The following LRRC4C variants were observed in gnomAD, a reference collection of about 807,000 sequenced individuals.
The protein encoded by LRRC4C is leucine-rich repeat-containing protein 4C.
Under a neutral mutation model 33.6 loss-of-function variants are expected in LRRC4C, and 5 were observed. That is an observed-to-expected ratio of 0.15 (90% CI 0.08 to 0.31). LRRC4C has a LOEUF of 0.31. Ranked by LOEUF, LRRC4C falls within the 10% of genes least tolerant of loss-of-function variation. The pLI is 1.00. For synonymous variants in LRRC4C, 329 were observed against 302.0 expected, an observed-to-expected ratio of 1.09 and a Z score of -0.93; for missense variants, 560 against 796.7, an observed-to-expected ratio of 0.70 and a Z score of 3.58.
intron 2 of LRRC4C, among the ~76,000 whole-genome samples, chr11:40,927,030 G>A (rs1195588556): frequency 6.6e-6 from 1 of 152,148 alleles, no homozygotes; most frequent in Admixed American, 6.5e-5. Flanking sequence ...AGCAAATTTG[G>A]ATAAAGGTAA....
At chr11:40,966,494 T>G (rs1225592475) in intron 1 of LRRC4C, among the ~76,000 whole-genome samples, 1 of 151,924 alleles carries the variant, frequency 6.6e-6, no homozygotes, top group Non-Finnish European at 1.5e-5. Flanking sequence ...AGCACTAAGC[T>G]CCTCACAAAT....
chr11:40,457,148 C>T (rs1372331850), intron 3 of LRRC4C, among the ~76,000 whole-genome samples: 1 of 147,384 alleles, frequency 6.8e-6, no homozygotes, highest in Admixed American at 6.7e-5. Context: ...GGATATACCT[C>T]AGCAATTTTT....
At chr11:40,289,959 G>A (rs12279130) in intron 4 of LRRC4C, among the ~76,000 whole-genome samples, 13,459 of 152,136 alleles carry the variant, frequency 0.088, 684 homozygotes, top group African/African-American at 0.14. Context: ...AGGGCACAGG[G>A]AGGAGGTGAC....
At chr11:40,481,820 G>T (rs909443635) in intron 3 of LRRC4C, among the ~76,000 whole-genome samples, 2 of 152,052 alleles carry the variant, frequency 1.3e-5, no homozygotes, top group African/African-American at 4.8e-5. Flanking sequence ...TGAGATATCA[G>T]ATAAGCCATA....
intron 3 of LRRC4C, among the ~76,000 whole-genome samples, chr11:40,352,102 CCTTT>C (rs1161134404): frequency 4.3e-4 from 55 of 126,600 alleles, no homozygotes; most frequent in Admixed American, 5.4e-4. Flanking sequence ...TTCCTTTTTT[CCTTT>C]CTTTCTTCCT....
At chr11:40,717,980 G>A (rs369689385) in intron 2 of LRRC4C, among the ~76,000 whole-genome samples, 81 of 152,256 alleles carry the variant, frequency 5.3e-4, no homozygotes, top group African/African-American at 1.8e-3. Flanking sequence ...CTAGAGACAC[G>A]TGTGCATGTG....
At chr11:40,682,569 A>G (rs1441384356) in intron 2 of LRRC4C, among the ~76,000 whole-genome samples, 1 of 152,026 alleles carries the variant, frequency 6.6e-6, no homozygotes, top group Non-Finnish European at 1.5e-5. Flanking sequence ...TGAGATCAGG[A>G]GTTCGAGACC....
chr11:40,270,923 A>G (rs1942647972), intron 4 of LRRC4C, among the ~76,000 whole-genome samples: 1 of 152,174 alleles, frequency 6.6e-6, no homozygotes, highest in Admixed American at 6.6e-5. Context: ...GCTCAATTTA[A>G]TGCTTTTTCT....
chr11:41,327,159 A>G (rs1436050727), intron 1 of LRRC4C, among the ~76,000 whole-genome samples: 1 of 152,200 alleles, frequency 6.6e-6, no homozygotes, highest in Non-Finnish European at 1.5e-5. Context: ...TATTCTAGGG[A>G]GAAGGCAGCC....
intron 2 of LRRC4C, among the ~76,000 whole-genome samples, chr11:40,863,163 A>G (rs1323179756): frequency 6.6e-6 from 1 of 152,326 alleles, no homozygotes; most frequent in Non-Finnish European, 1.5e-5. Context: ...CTGTTTTCAC[A>G]TGAGTAACCT....
chr11:41,241,367 A>G (rs1201298032), intron 1 of LRRC4C, among the ~76,000 whole-genome samples: 1 of 152,130 alleles, frequency 6.6e-6, no homozygotes, highest in Non-Finnish European at 1.5e-5. Context: ...GTTCTTCTTA[A>G]TCATGACCAT....
chr11:40,346,974 A>G (rs1947164852), intron 3 of LRRC4C, among the ~76,000 whole-genome samples: 1 of 152,192 alleles, frequency 6.6e-6, no homozygotes, highest in Admixed American at 6.5e-5. Context: ...AGAATGGTAA[A>G]TGAGTATTGA....
At chr11:41,447,859 T>A (rs1246407767) in intron 1 of LRRC4C, among the ~76,000 whole-genome samples, 2 of 152,184 alleles carry the variant, frequency 1.3e-5, no homozygotes, top group African/African-American at 4.8e-5. Flanking sequence ...TACAAATACT[T>A]GTGTGTTTGA....
At chr11:40,883,199 A>G (rs1775198156) in intron 2 of LRRC4C, among the ~76,000 whole-genome samples, 1 of 151,986 alleles carries the variant, frequency 6.6e-6, no homozygotes, top group Non-Finnish European at 1.5e-5. Flanking sequence ...CTTCCAATCC[A>G]GCTACTTAAA....
intron 1 of LRRC4C, among the ~76,000 whole-genome samples, chr11:41,090,158 TA>T (rs1469599900): frequency 1.3e-5 from 2 of 152,222 alleles, no homozygotes; most frequent in African/African-American, 4.8e-5. Flanking sequence ...AATATATCAT[TA>T]AGTGAAAAGT....
intron 1 of LRRC4C, among the ~76,000 whole-genome samples, chr11:41,082,456 T>C (rs1270329495): frequency 7.3e-6 from 1 of 137,170 alleles, no homozygotes; most frequent in African/African-American, 2.7e-5. Flanking sequence ...TTTCTGGAGC[T>C]GGTGAAATCT....
At chr11:40,285,680 T>C (rs1242278260) in intron 4 of LRRC4C, among the ~76,000 whole-genome samples, 1 of 152,140 alleles carries the variant, frequency 6.6e-6, no homozygotes, top group Non-Finnish European at 1.5e-5. Context: ...ACGGAAGGTA[T>C]ATGTGACCTA....
rs189366691 is a variant in LRRC4C at position 41,077,961 on chromosome 11, C to A, written c.-495-144238G>T. Among the ~76,000 whole-genome samples the A allele has an allele frequency of 4.6e-5, 7 of 152,246 alleles. No homozygotes were observed. In the East Asian group the frequency reaches 1.4e-3, roughly 29 times the overall value. Reference sequence around the variant, plus strand: ...GCTTAGAAATTTCTTCAACCAGGTACCCTAAATCATCTCTCTCAAGTTCAA... The same window carrying A: ...GCTTAGAAATTTCTTCAACCAGGTAACCTAAATCATCTCTCTCAAGTTCAA... On this transcript the variant is annotated intron_variant, in intron 1 of 6. Transcript: ENST00000528697.
intron 1 of LRRC4C, among the ~76,000 whole-genome samples, chr11:41,123,253 TATGTTTTG>T (rs1942538494): frequency 9.3e-6 from 1 of 107,926 alleles, no homozygotes; most frequent in Non-Finnish European, 2.0e-5. Flanking sequence ...TATCCTGAGC[TATGTTTTG>T]TTTTTTTTTT....
Sources: gnomAD v4.1 joint callset for allele counts (sites outside exome capture counted in the v4.1 genomes callset) on GRCh38, gnomAD v4.1.1 for gene constraint, MANE v1.5 for transcripts, NCBI Gene and HGNC (gene_info 2026-07-23, HGNC 2026-07-21) for gene names.